The following SAMD5 variants were observed in gnomAD, a reference collection of about 807,000 sequenced individuals.
SAMD5 encodes sterile alpha motif domain-containing protein 5.
Under a neutral mutation model 11.3 loss-of-function variants are expected in SAMD5, and 13 were observed. The ratio of observed to expected loss-of-function variants is 1.15; its 90% CI spans 0.75 to 1.83. SAMD5 has a LOEUF of 1.83. Ranked by LOEUF, SAMD5 falls within the 40% of genes most tolerant of loss-of-function variation. SAMD5 has a pLI of 0.00. For synonymous variants in SAMD5, 129 were observed against 111.3 expected, an observed-to-expected ratio of 1.16 and a Z score of -1.00; for missense variants, 255 against 239.1, an observed-to-expected ratio of 1.07 and a Z score of -0.44.
intron 1 of SAMD5, among the ~76,000 whole-genome samples, chr6:147,612,184 G>C (rs1259147668): frequency 3.3e-5 from 5 of 152,050 alleles, no homozygotes; most frequent in African/African-American, 1.2e-4. Flanking sequence ...CCCATCTCTC[G>C]TCATGATGGG....
chr6:147,801,035 T>C, the SAMD5 span, among the ~76,000 whole-genome samples: 1 of 152,186 alleles, frequency 6.6e-6, no homozygotes, highest in Non-Finnish European at 1.5e-5. Context: ...TCAGTTAAAA[T>C]TGAGAAGACA....
intron 1 of SAMD5, among the ~76,000 whole-genome samples, chr6:147,580,098 CA>C (rs1789275466): frequency 6.6e-6 from 1 of 152,162 alleles, no homozygotes; most frequent in Non-Finnish European, 1.5e-5. Context: ...ACACCATGCA[CA>C]AAATGTTGCT....
At chr6:147,940,819 G>A in the SAMD5 span, among the ~76,000 whole-genome samples, 3 of 152,186 alleles carry the variant, frequency 2.0e-5, no homozygotes, top group African/African-American at 4.8e-5. Context: ...AAAATTAGCC[G>A]GGCATGATGG....
chr6:147,688,680 A>G (rs1791052482), intron 1 of SAMD5, among the ~76,000 whole-genome samples: 1 of 152,124 alleles, frequency 6.6e-6, no homozygotes, highest in African/African-American at 2.4e-5. Flanking sequence ...CTCAAAGGAA[A>G]CCCTGTGCTA....
At chr6:147,688,420 T>A (rs1467941877) in intron 1 of SAMD5, among the ~76,000 whole-genome samples, 1 of 152,236 alleles carries the variant, frequency 6.6e-6, no homozygotes, top group Non-Finnish European at 1.5e-5. Context: ...ATAGGCATAC[T>A]TTTATTTCAG....
At chr6:147,904,728 G>A in the SAMD5 span, among the ~76,000 whole-genome samples, 1 of 152,056 alleles carries the variant, frequency 6.6e-6, no homozygotes, top group African/African-American at 2.4e-5. Flanking sequence ...TTTCCCGCTT[G>A]CGGTTGCCAG....
the SAMD5 span, among the ~76,000 whole-genome samples, chr6:147,823,626 T>C: frequency 1.3e-5 from 2 of 151,804 alleles, no homozygotes; most frequent in Non-Finnish European, 2.9e-5. Flanking sequence ...TAAAGTAAAA[T>C]AAAATAAGAT....
intron 1 of SAMD5, among the ~76,000 whole-genome samples, chr6:147,544,500 G>T (rs923620952): frequency 6.6e-6 from 1 of 152,146 alleles, no homozygotes; most frequent in Non-Finnish European, 1.5e-5. Flanking sequence ...GGATTATCCT[G>T]TATTCATTTC....
intron 1 of SAMD5, among the ~76,000 whole-genome samples, chr6:147,704,997 G>T (rs1283864771): frequency 1.3e-5 from 2 of 152,312 alleles, no homozygotes; most frequent in Non-Finnish European, 2.9e-5. Flanking sequence ...AAGTGAGCTG[G>T]GAACTGTGAG....
intron 1 of SAMD5, among the ~76,000 whole-genome samples, chr6:147,600,694 G>A (rs1315067853): frequency 6.6e-6 from 1 of 152,106 alleles, no homozygotes; most frequent in Non-Finnish European, 1.5e-5. Context: ...ATTAAAAATG[G>A]CACTAATGAG....
chr6:147,688,051 A>G (rs543816732), intron 1 of SAMD5, among the ~76,000 whole-genome samples: 3 of 152,182 alleles, frequency 2.0e-5, no homozygotes, highest in South Asian at 2.1e-4. Flanking sequence ...TTGATTACAT[A>G]TATGTCAGAA....
chr6:147,805,675 C>T, the SAMD5 span, among the ~76,000 whole-genome samples: 16 of 152,214 alleles, frequency 1.1e-4, no homozygotes, highest in African/African-American at 3.6e-4. Flanking sequence ...AATATGGGGT[C>T]TTCCTTTCAA....
chr6:147,739,966 C>T (rs1350950194), downstream of SAMD5, among the ~76,000 whole-genome samples: 1 of 151,940 alleles, frequency 6.6e-6, no homozygotes, highest in Non-Finnish European at 1.5e-5. Context: ...ACTATAGGCA[C>T]ATGCCACCAC....
intron 1 of SAMD5, among the ~76,000 whole-genome samples, chr6:147,724,643 G>A (rs1488651272): frequency 6.6e-6 from 1 of 152,044 alleles, no homozygotes; most frequent in East Asian, 1.9e-4. Flanking sequence ...CTGGAGTAGT[G>A]AGCCGTGAGG....
At chr6:147,770,254 ATTTT>A in the SAMD5 span, among the ~76,000 whole-genome samples, 1 of 151,670 alleles carries the variant, frequency 6.6e-6, no homozygotes, top group African/African-American at 2.4e-5. Context: ...CTGTACTTTA[ATTTT>A]TTTTAAAAAA....
At chr6:147,836,096 C>T in the SAMD5 span, among the ~76,000 whole-genome samples, 2 of 152,228 alleles carry the variant, frequency 1.3e-5, no homozygotes, top group African/African-American at 4.8e-5. Context: ...TATCCATTCA[C>T]TGTAACTACT....
chr6:147,657,796 C>T (rs902191947), intron 1 of SAMD5, among the ~76,000 whole-genome samples: 4 of 152,120 alleles, frequency 2.6e-5, no homozygotes, highest in African/African-American at 4.8e-5. Context: ...CAGTCCCATT[C>T]GTGAGAACTC....
rs564070153 is a variant in SAMD5 at position 147,696,190 on chromosome 6, C to G, written c.163-41127C>G. On this transcript the variant is annotated intron_variant, in intron 1 of 1. Transcript: ENST00000566741. ...CCCAACTCCATGATCCCTGGTACCC[C>G]ACTTCAATCTGCCCCTTCCACCCTC... Among the ~76,000 whole-genome samples the G allele has an allele frequency of 1.4e-3, 220 of 152,312 alleles. 5 individuals carry two copies. The South Asian group carries it at 0.04, about 28-fold the overall frequency.
the SAMD5 span, among the ~76,000 whole-genome samples, chr6:147,875,416 C>T: frequency 1.3e-5 from 2 of 152,106 alleles, no homozygotes; most frequent in Non-Finnish European, 1.5e-5. Context: ...CCCCCACATG[C>T]CTCTAGTATG....
Sources: gnomAD v4.1 joint callset for allele counts (sites outside exome capture counted in the v4.1 genomes callset) on GRCh38, gnomAD v4.1.1 for gene constraint, MANE v1.5 for transcripts, NCBI Gene and HGNC (gene_info 2026-07-23, HGNC 2026-07-21) for gene names.